NFIB: variants seen among roughly 807,000 people sequenced by gnomAD.
NFIB encodes nuclear factor 1 B-type.
In NFIB, 11 loss-of-function variants were observed where a neutral mutation model predicts 61.5. That is an observed-to-expected ratio of 0.18 (90% confidence interval 0.11 to 0.30). The LOEUF (loss-of-function observed/expected upper bound fraction) is 0.30, where lower values mean the gene tolerates loss of function less well. Ranked by LOEUF, NFIB falls within the 10% of genes least tolerant of loss-of-function variation. The pLI, the probability that NFIB is intolerant of heterozygous loss-of-function variation, is 1.00. For synonymous variants in NFIB, 260 were observed against 216.5 expected (o/e 1.20, Z -1.76); for missense variants, 471 against 608.9 (o/e 0.77, Z 2.38).
the NFIB span, among the ~76,000 whole-genome samples, chr9:14,412,819 C>A: frequency 6.6e-6 from 1 of 152,146 alleles, no homozygotes. Flanking sequence ...GGGTATGGAG[C>A]TTTTACATTT....
chr9:14,503,800 C>T, the NFIB span, among the ~76,000 whole-genome samples: 3 of 152,088 alleles, frequency 2.0e-5, no homozygotes, highest in Non-Finnish European at 2.9e-5. Context: ...CTATTTCTTT[C>T]GCTGTGAAGA....
chr9:14,164,988 G>A (rs1306002320), intron 3 of NFIB, among the ~76,000 whole-genome samples: 1 of 152,118 alleles, frequency 6.6e-6, no homozygotes, highest in Non-Finnish European at 1.5e-5. Context: ...TAACTGGGGA[G>A]CTTATTAGAA....
intron 2 of NFIB, among the ~76,000 whole-genome samples, chr9:14,293,785 G>A (rs568106443): frequency 1.3e-5 from 2 of 152,156 alleles, no homozygotes; most frequent in South Asian, 4.2e-4. Context: ...AACTGTTTCC[G>A]TTTCATATTG....
At chr9:14,260,130 C>T (rs749213125) in intron 2 of NFIB, among the ~76,000 whole-genome samples, 5 of 152,098 alleles carry the variant, frequency 3.3e-5, no homozygotes, top group Non-Finnish European at 7.3e-5. Context: ...GGTGAGAACA[C>T]GTAGAGAAGA....
intron 2 of NFIB, among the ~76,000 whole-genome samples, chr9:14,205,246 A>AAG (rs1343852451): frequency 2.6e-4 from 3 of 11,432 alleles, no homozygotes; most frequent in African/African-American, 8.6e-4. Context: ...AAAAGAAGGG[A>AAG]GGAAGGAAGG....
chr9:14,384,988 A>G (rs937724638), intron 1 of NFIB, among the ~76,000 whole-genome samples: 2 of 152,234 alleles, frequency 1.3e-5, no homozygotes, highest in African/African-American at 4.8e-5. Flanking sequence ...TTTTCAGGTA[A>G]GTAGCCTCTG....
At position 14,143,327 on chromosome 9, in the gene NFIB, C is replaced by G. The variant is rs116335169; in HGVS notation, c.925+3362G>C. ...TATTTTGCCTGATTTATTTTAAGAA[C>G]AGAATACATATAATAATTTGGTCAT... On this transcript the variant is annotated intron_variant, in intron 6 of 10. Coordinates refer to ENST00000380953, the MANE Select transcript of NFIB (RefSeq NM_001190737.2). Among the ~76,000 whole-genome samples the G allele has an allele frequency of 4.8e-3, 724 of 152,148 alleles. 4 individuals are homozygous for G. The highest frequency in any genetic ancestry group is 0.016 in the African/African-American group (656 of 41,528).
At chr9:14,209,798 G>C (rs980237516) in intron 2 of NFIB, among the ~76,000 whole-genome samples, 1 of 152,142 alleles carries the variant, frequency 6.6e-6, no homozygotes, top group African/African-American at 2.4e-5. Context: ...CTAATAGGCT[G>C]TCACACTGCC....
At chr9:14,448,298 T>G in the NFIB span, among the ~76,000 whole-genome samples, 1 of 152,188 alleles carries the variant, frequency 6.6e-6, no homozygotes, top group Non-Finnish European at 1.5e-5. Context: ...CCTGGAAGAT[T>G]TTTCATTCTT....
intron 1 of NFIB, among the ~76,000 whole-genome samples, chr9:14,389,000 G>T (rs2133025798): frequency 6.6e-6 from 1 of 152,286 alleles, no homozygotes; most frequent in East Asian, 1.9e-4. Flanking sequence ...AAGGGTTGGG[G>T]CCTGGACATT....
At chr9:14,314,179 T>A, upstream of NFIB, 1 of 11,830 alleles carries the variant, frequency 8.5e-5, no homozygotes, top group South Asian at 2.5e-3. Context: ...AGGGCCGGGG[T>A]GGGGGCGGGG....
chr9:14,117,070 C>A (rs958518965), intron 8 of NFIB, among the ~76,000 whole-genome samples: 4 of 152,188 alleles, frequency 2.6e-5, no homozygotes, highest in Non-Finnish European at 5.9e-5. Context: ...CTACGTTTGT[C>A]CTTACACCTA....
chr9:14,245,764 T>C (rs1041542142), intron 2 of NFIB, among the ~76,000 whole-genome samples: 3 of 151,934 alleles, frequency 2.0e-5, no homozygotes, highest in Non-Finnish European at 4.4e-5. Flanking sequence ...TCCCAGCTAC[T>C]TGGGAGGCTG....
At chr9:14,351,240 G>A (rs1352155716) in intron 1 of NFIB, among the ~76,000 whole-genome samples, 2 of 152,310 alleles carry the variant, frequency 1.3e-5, no homozygotes, top group Non-Finnish European at 2.9e-5. Flanking sequence ...AAACTTCAGA[G>A]GTGCTTTAGC....
At chr9:14,471,859 G>T in the NFIB span, among the ~76,000 whole-genome samples, 3 of 152,170 alleles carry the variant, frequency 2.0e-5, no homozygotes, top group African/African-American at 7.2e-5. Context: ...AGGAATAATT[G>T]CCCCTGAAGA....
At chr9:14,275,240 T>A (rs7029940) in intron 2 of NFIB, among the ~76,000 whole-genome samples, 5,373 of 152,268 alleles carry the variant, frequency 0.035, 275 homozygotes, top group East Asian at 0.11. Context: ...CTGTGAATTC[T>A]ACTTCTGTGT....
At chr9:14,246,725 T>C (rs2054972062) in intron 2 of NFIB, among the ~76,000 whole-genome samples, 1 of 152,202 alleles carries the variant, frequency 6.6e-6, no homozygotes, top group Non-Finnish European at 1.5e-5. Flanking sequence ...CTGACAGTGC[T>C]AACAGGCTAG....
the NFIB span, among the ~76,000 whole-genome samples, chr9:14,458,092 G>C: frequency 6.6e-6 from 1 of 152,190 alleles, no homozygotes; most frequent in African/African-American, 2.4e-5. Flanking sequence ...CAATATCCCT[G>C]ATGAACATCG....
At chr9:14,402,138 A>G (rs1229373995), upstream of NFIB, among the ~76,000 whole-genome samples, 1 of 152,234 alleles carries the variant, frequency 6.6e-6, no homozygotes, top group East Asian at 1.9e-4. Flanking sequence ...TGAAAGAGAC[A>G]TACTGATCAC....
Sources: gnomAD v4.1 joint callset for allele counts (sites outside exome capture counted in the v4.1 genomes callset) on GRCh38, gnomAD v4.1.1 for gene constraint, MANE v1.5 for transcripts, NCBI Gene and HGNC (gene_info 2026-07-23, HGNC 2026-07-21) for gene names.